PRKCA: variants seen among roughly 807,000 people sequenced by gnomAD.
PRKCA encodes protein kinase C alpha type.
PRKCA carries 27 observed loss-of-function variants against 87.0 expected under a neutral mutation model. The ratio of observed to expected loss-of-function variants is 0.31; its 90% confidence interval spans 0.23 to 0.43. The LOEUF is 0.43. Among genes scored for constraint, PRKCA ranks in the 20% least tolerant of loss-of-function variants. The pLI, the probability that PRKCA is intolerant of heterozygous loss-of-function variation, is 1.00. For synonymous variants in PRKCA, 329 were observed against 311.1 expected (o/e 1.06, Z -0.61); for missense variants, 518 against 852.3 (o/e 0.61, Z 4.88).
intron 3 of PRKCA, among the ~76,000 whole-genome samples, chr17:66,595,967 G>A (rs749047798): frequency 6.6e-6 from 1 of 152,216 alleles, no homozygotes; most frequent in Non-Finnish European, 1.5e-5. Context: ...TTCGCAGTTG[G>A]AAAATCAGAA....
intron 8 of PRKCA, among the ~76,000 whole-genome samples, chr17:66,698,891 A>T (rs1453624987): frequency 6.6e-6 from 1 of 151,422 alleles, no homozygotes; most frequent in East Asian, 1.9e-4. Context: ...GAGGCACAGG[A>T]ATCACTTGAA....
At chr17:66,430,368 C>G (rs879904322) in intron 2 of PRKCA, among the ~76,000 whole-genome samples, 26 of 151,886 alleles carry the variant, frequency 1.7e-4, no homozygotes, top group Middle Eastern at 6.8e-3. Flanking sequence ...CCTCCTTTCC[C>G]AGGGCCATGG....
rs559886244 is a variant in PRKCA at position 66,639,805 on chromosome 17, T to A, written c.289-1550T>A. Among the ~76,000 whole-genome samples, 7 of 152,166 alleles carry A rather than the reference T, an allele frequency of 4.6e-5. No individual in the cohort carries two copies. The South Asian group carries it at 1.2e-3, about 27-fold the overall frequency. On this transcript the variant is annotated intron_variant, in intron 3 of 16. Coordinates refer to ENST00000413366, the MANE Select transcript of PRKCA (RefSeq NM_002737.3). ...TGATGTCAGGAGTTTGAGACCAGCC[T>A]GAATAACATGGTGAAACCCCATCTC...
chr17:66,752,918 G>A (rs866857194), intron 13 of PRKCA, among the ~76,000 whole-genome samples: 2 of 152,294 alleles, frequency 1.3e-5, no homozygotes, highest in Middle Eastern at 3.4e-3. Flanking sequence ...AGACAGTGAG[G>A]ACCAGGCAAG....
chr17:66,389,554 G>A (rs1910250119), intron 2 of PRKCA, among the ~76,000 whole-genome samples: 1 of 152,228 alleles, frequency 6.6e-6, no homozygotes, highest in Non-Finnish European at 1.5e-5. Context: ...ATGATGGCCA[G>A]CATCGTCTTC....
rs909703669 is a variant in PRKCA, at chr17:66,386,002, C to T, written c.205+79875C>T. Among the ~76,000 whole-genome samples the T allele has an allele frequency of 2.0e-5, 3 of 151,174 alleles. No individual in the cohort carries two copies. The East Asian group carries it at 5.8e-4, about 29-fold the overall frequency. ...CTTGAACTCCTGACCTCAGGCGATC[C>T]GCCCACCTCGGCCTCCCAAAGTGCT... is the stretch of plus-strand genomic sequence containing the variant. On this transcript the variant is annotated intron_variant, in intron 2 of 16. Coordinates refer to ENST00000413366, the MANE Select transcript of PRKCA (RefSeq NM_002737.3).
rs573074368 is a variant in PRKCA at position 66,618,184 on chromosome 17, G to A, written c.289-23171G>A. Among the ~76,000 whole-genome samples, 305 of 152,014 alleles carry A rather than the reference G, an allele frequency of 2.0e-3. 1 individual carries two copies. Among genetic ancestry groups the A allele is most frequent in the African/African-American group, 7.0e-3 (291 of 41,476 alleles). On this transcript the variant is annotated intron_variant, in intron 3 of 16. Transcript: ENST00000413366. ...AGCCTGACCAACATGGCAAAACCCC[G>A]TCTCTACTAAAAATACAAAAATTAG...
At chr17:66,489,493 G>A (rs1231050027) in intron 2 of PRKCA, among the ~76,000 whole-genome samples, 1 of 150,566 alleles carries the variant, frequency 6.6e-6, no homozygotes, top group Non-Finnish European at 1.5e-5. Context: ...CAGTAGTTTG[G>A]CAGGAAAGCC....
At chr17:66,484,894 TGAG>T (rs1197348844) in intron 2 of PRKCA, among the ~76,000 whole-genome samples, 1 of 152,086 alleles carries the variant, frequency 6.6e-6, no homozygotes, top group Non-Finnish European at 1.5e-5. Flanking sequence ...CTGTTGAAAT[TGAG>T]GAGAAAGGTA....
chr17:66,665,772 C>CT (rs1972028479), intron 5 of PRKCA, among the ~76,000 whole-genome samples: 1 of 152,110 alleles, frequency 6.6e-6, no homozygotes, highest in Non-Finnish European at 1.5e-5. Flanking sequence ...CCTAGCCTTG[C>CT]GGTATGTTAG....
intron 3 of PRKCA, among the ~76,000 whole-genome samples, chr17:66,630,934 A>C (rs1943674342): frequency 6.6e-6 from 1 of 152,020 alleles, no homozygotes; most frequent in African/African-American, 2.4e-5. Context: ...CCTTCTGGGG[A>C]GGTTATTACA....
intron 3 of PRKCA, among the ~76,000 whole-genome samples, chr17:66,625,005 A>G (rs954553880): frequency 4.6e-5 from 7 of 152,184 alleles, no homozygotes; most frequent in African/African-American, 1.4e-4. Context: ...ATTCTGTTGG[A>G]CAGCATTGGG....
chr17:66,323,369 G>T (rs1905794677), intron 2 of PRKCA, among the ~76,000 whole-genome samples: 1 of 152,296 alleles, frequency 6.6e-6, no homozygotes, highest in East Asian at 1.9e-4. Flanking sequence ...TTAATTATGG[G>T]TCTGTTATTG....
chr17:66,592,423 CA>C (rs1239092251), intron 3 of PRKCA, among the ~76,000 whole-genome samples: 1 of 151,568 alleles, frequency 6.6e-6, no homozygotes, highest in Non-Finnish European at 1.5e-5. Context: ...CCACCCTCCT[CA>C]AAAAATAGAA....
chr17:66,776,333 A>G (rs192366810), intron 14 of PRKCA, among the ~76,000 whole-genome samples: 2,137 of 152,070 alleles, frequency 0.014, 24 homozygotes, highest in Middle Eastern at 0.031. Context: ...TGTTTTTGAG[A>G]TGGAGTTTTG....
At chr17:66,460,434 G>C (rs942588432) in intron 2 of PRKCA, among the ~76,000 whole-genome samples, 1 of 152,176 alleles carries the variant, frequency 6.6e-6, no homozygotes, top group African/African-American at 2.4e-5. Flanking sequence ...AAGCGAAGGC[G>C]TGCCACCTCC....
rs555046144 is a variant in PRKCA, at chr17:66,803,775, C to T, written c.1855-98C>T. 7.9e-6 allele frequency: 12 copies of T among 1,509,988 alleles called. No homozygotes were observed. In the East Asian group the frequency reaches 1.9e-4, roughly 23 times the overall value. 93.5% of individuals were successfully genotyped at this position (1,509,988 alleles called of 1,614,324 possible). On this transcript the variant is annotated intron_variant, in intron 16 of 16. Transcript: ENST00000413366. The surrounding 1 kb of genome is among the most constrained non-coding windows in gnomAD (Gnocchi z 4.4). ...TCCTCCTCCTAACCAGCCCGGAGTT[C>T]CCCAGGGCCGTGCCCCTCCCCAGAG...
chr17:66,761,418 T>G (rs1254877513), intron 13 of PRKCA, among the ~76,000 whole-genome samples: 2 of 151,774 alleles, frequency 1.3e-5, no homozygotes, highest in East Asian at 3.9e-4. Context: ...TTGTTTTTAA[T>G]CTTGTGGTAA....
intron 13 of PRKCA, among the ~76,000 whole-genome samples, chr17:66,763,809 G>A (rs965026976): frequency 5.9e-5 from 9 of 152,058 alleles, no homozygotes; most frequent in Admixed American, 1.3e-4. Flanking sequence ...AAGTGCAGCC[G>A]AGAACAGGAG....
Sources: gnomAD v4.1 joint callset for allele counts (sites outside exome capture counted in the v4.1 genomes callset) on GRCh38, gnomAD v4.1.1 for gene constraint, Gnocchi (gnomAD v3.1) non-coding constraint, MANE v1.5 for transcripts, NCBI Gene and HGNC (gene_info 2026-07-23, HGNC 2026-07-21) for gene names.